PHF14: variants seen among roughly 807,000 people sequenced by gnomAD.
PHF14 encodes PHD finger protein 14.
In PHF14, 55 loss-of-function variants were observed where a neutral mutation model predicts 117.9. The ratio of observed to expected loss-of-function variants is 0.47; its 90% CI spans 0.38 to 0.58. PHF14 has a LOEUF of 0.58. Ranked by LOEUF, PHF14 falls within the 20% of genes least tolerant of loss-of-function variation. The pLI, the probability that PHF14 is intolerant of heterozygous loss-of-function variation, is 0.00. For missense variants in PHF14, 978 were observed against 1,122.2 expected, an observed-to-expected ratio of 0.87 and a Z score of 1.84; for synonymous variants, 409 against 368.6, an observed-to-expected ratio of 1.11 and a Z score of -1.26.
intron 6 of PHF14, among the ~76,000 whole-genome samples, chr7:11,024,950 G>C (rs1783858707): frequency 6.6e-6 from 1 of 152,144 alleles, no homozygotes; most frequent in Non-Finnish European, 1.5e-5. Context: ...TGATGGATCT[G>C]GGCAAAGTAA....
At chr7:11,034,539 A>ATTTTTTTTTTTTTTT (rs56043099) in intron 7 of PHF14, among the ~76,000 whole-genome samples, 3 of 63,096 alleles carry the variant, frequency 4.8e-5, no homozygotes, top group East Asian at 5.3e-4. Context: ...TCTTAATTCT[A>ATTTTTTTTTTTTTTT]TTTTTTTTTT....
intron 2 of PHF14, among the ~76,000 whole-genome samples, chr7:10,977,906 A>G (rs1308048894): frequency 6.6e-6 from 1 of 152,134 alleles, no homozygotes; most frequent in Admixed American, 6.5e-5. Flanking sequence ...TAGGAGACTT[A>G]TTTACATTTG....
chr7:11,118,484 G>C (rs1416688432), intron 17 of PHF14, among the ~76,000 whole-genome samples: 1 of 151,500 alleles, frequency 6.6e-6, no homozygotes, highest in Non-Finnish European at 1.5e-5. Context: ...ATAATTATTT[G>C]CTTAACAATC....
chr7:11,145,226 G>A (rs1382935689), intron 17 of PHF14, among the ~76,000 whole-genome samples: 5 of 151,940 alleles, frequency 3.3e-5, no homozygotes, highest in Admixed American at 3.3e-4. Context: ...TTTTTAAAAT[G>A]TGGTAGAAGT....
intron 17 of PHF14, among the ~76,000 whole-genome samples, chr7:11,163,420 TAAG>T (rs1376635850): frequency 1.3e-5 from 2 of 152,216 alleles, no homozygotes; most frequent in African/African-American, 4.8e-5. Flanking sequence ...TTAAATGAAA[TAAG>T]AATCTCAAAT....
chr7:10,988,656 G>T (rs1782331884), intron 3 of PHF14, among the ~76,000 whole-genome samples: 2 of 151,198 alleles, frequency 1.3e-5, no homozygotes, highest in Admixed American at 6.6e-5. Context: ...TTCTTTTGGG[G>T]GTACAAGGAA....
chr7:11,093,649 C>A (rs1562462868), intron 16 of PHF14, among the ~76,000 whole-genome samples: 1 of 152,218 alleles, frequency 6.6e-6, no homozygotes, highest in African/African-American at 2.4e-5. Context: ...ACATATTACT[C>A]AGTGCTTGCT....
At chr7:11,124,152 G>A (rs1445618705) in intron 17 of PHF14, among the ~76,000 whole-genome samples, 1 of 151,342 alleles carries the variant, frequency 6.6e-6, no homozygotes, top group Non-Finnish European at 1.5e-5. Flanking sequence ...AATGGTCATT[G>A]TTGAATATTG....
chr7:11,076,062 C>T (rs1031814161), intron 16 of PHF14, among the ~76,000 whole-genome samples: 3 of 152,112 alleles, frequency 2.0e-5, no homozygotes, highest in African/African-American at 7.2e-5. Flanking sequence ...TGGTGTGAAC[C>T]CGGGAGGTGG....
At chr7:11,106,887 A>C in intron 16 of PHF14, 1 of 982,554 alleles carries the variant, frequency 1.0e-6, no homozygotes, top group Non-Finnish European at 1.2e-6. Context: ...TGCTTTATAT[A>C]AACTTATAGG....
Position 11,090,496 on chromosome 7 carries a change from C to A in PHF14, c.2655-20854C>A, listed in dbSNP as rs539053551. On this transcript the variant is annotated intron_variant, in intron 16 of 17. Coordinates refer to ENST00000634607, the MANE Select transcript of PHF14 (RefSeq NM_001007157.2). ...AATTATTAAAGAACTGCAAAATTGCCTGATTATATCAAGGACCTTGTTGTG... is the reference window on the plus strand; with the variant it reads ...AATTATTAAAGAACTGCAAAATTGCATGATTATATCAAGGACCTTGTTGTG... Among the ~76,000 whole-genome samples, 12 of 152,248 alleles carry A rather than the reference C, an allele frequency of 7.9e-5. No individual in the cohort carries two copies. The South Asian group carries it at 2.5e-3, about 32-fold the overall frequency.
At chr7:11,124,039 T>G (rs1319879958) in intron 17 of PHF14, among the ~76,000 whole-genome samples, 2 of 128,168 alleles carry the variant, frequency 1.6e-5, no homozygotes, top group Non-Finnish European at 3.9e-5. Context: ...GTTTTTCTCC[T>G]TACTTTTTCC....
At chr7:10,991,471 G>A (rs1011838750) in intron 4 of PHF14, among the ~76,000 whole-genome samples, 5 of 151,942 alleles carry the variant, frequency 3.3e-5, no homozygotes, top group South Asian at 2.1e-4. Flanking sequence ...TACCGCGCCC[G>A]GCCAATTTTT....
At chr7:11,154,514 G>A (rs1788788312) in intron 17 of PHF14, among the ~76,000 whole-genome samples, 1 of 152,054 alleles carries the variant, frequency 6.6e-6, no homozygotes, top group African/African-American at 2.4e-5. Flanking sequence ...TCTAATTTCT[G>A]TACCAAATCA....
chr7:11,008,829 A>G (rs554411368), intron 4 of PHF14, among the ~76,000 whole-genome samples: 22 of 152,012 alleles, frequency 1.4e-4, no homozygotes, highest in Non-Finnish European at 8.8e-5. Flanking sequence ...AGGTCAGGAG[A>G]TCGAGACCAT....
chr7:11,084,869 T>C (rs1415663382), intron 16 of PHF14, among the ~76,000 whole-genome samples: 1 of 152,160 alleles, frequency 6.6e-6, no homozygotes, highest in African/African-American at 2.4e-5. Context: ...TGGATTTTCA[T>C]ATCTGTGAAT....
chr7:11,159,288 A>AT (rs1171205477), intron 17 of PHF14, among the ~76,000 whole-genome samples: 3 of 151,802 alleles, frequency 2.0e-5, no homozygotes, highest in East Asian at 1.9e-4. Flanking sequence ...ATCTATAACT[A>AT]TTTTTTTTAA....
intron 17 of PHF14, among the ~76,000 whole-genome samples, chr7:11,159,503 AT>A (rs1222280195): frequency 6.6e-6 from 1 of 152,118 alleles, no homozygotes; most frequent in Admixed American, 6.5e-5. Flanking sequence ...TATTTAATAC[AT>A]ATGAAATGAT....
At chr7:11,166,420 T>C (rs990570307) in intron 17 of PHF14, among the ~76,000 whole-genome samples, 2 of 152,198 alleles carry the variant, frequency 1.3e-5, no homozygotes, top group African/African-American at 4.8e-5. Flanking sequence ...AAGCTTCCTT[T>C]GCAATTTTAT....
Sources: allele counts gnomAD v4.1 joint callset (sites outside exome capture counted in the v4.1 genomes callset), GRCh38; gene constraint gnomAD v4.1.1; transcripts MANE v1.5; gene names NCBI Gene and HGNC (gene_info 2026-07-23, HGNC 2026-07-21).